The following DBF4 variants were observed in gnomAD, a reference collection of about 807,000 sequenced individuals.
DBF4 encodes the protein protein DBF4 homolog A.
Under a neutral mutation model 76.6 loss-of-function variants are expected in DBF4, and 25 were observed. That is an observed-to-expected ratio of 0.33 (90% CI 0.24 to 0.46). The LOEUF (loss-of-function observed/expected upper bound fraction) is 0.46. Among genes scored for constraint, DBF4 ranks in the 20% least tolerant of loss-of-function variants. DBF4 has a pLI of 1.00. For synonymous variants in DBF4, 213 were observed against 258.0 expected, an observed-to-expected ratio of 0.83 and a Z score of 1.67; for missense variants, 638 against 760.8, an observed-to-expected ratio of 0.84 and a Z score of 1.90.
Position 87,876,612 on chromosome 7 carries a change from C to G in DBF4, c.-121C>G. On this transcript the variant is annotated 5_prime_UTR_variant, in exon 1 of 12. Transcript: ENST00000265728. ...ACGCGGTACCTCTACTGCGTAGAGG[C>G]CGTAGCTGGCGGAAGGAGAGAGGCG... 1 of 1,116,412 alleles carries G rather than the reference C, an allele frequency of 9.0e-7. No homozygotes were observed. The highest frequency in any genetic ancestry group is 1.5e-5 in the African/African-American group (1 of 65,332). The allele number at this position is 1,116,412 out of a possible 1,614,324, so 69.2% of individuals were successfully genotyped here. A position where few individuals can be genotyped will look rare whatever the true frequency, so the allele number is the denominator to read the frequency against.
intron 2 of DBF4, among the ~76,000 whole-genome samples, chr7:87,881,447 C>G (rs1839212123): frequency 6.6e-6 from 1 of 152,084 alleles, no homozygotes. Context: ...TATGTCCATC[C>G]CATCCTCATG....
rs1839038834 is a variant in DBF4 at position 87,876,523 on chromosome 7, G to C, written c.-210G>C. 5.0e-6 allele frequency: 3 copies of C among 594,300 alleles called. No homozygotes were observed. The highest frequency in any genetic ancestry group is 2.9e-5 in the Admixed American group (1 of 34,108). 36.8% of individuals were successfully genotyped at this position (594,300 alleles called of 1,614,324 possible). A position where few individuals can be genotyped will look rare whatever the true frequency, so the allele number is the denominator to read the frequency against. On this transcript the variant is annotated 5_prime_UTR_variant, in exon 1 of 12. Coordinates refer to ENST00000265728, the MANE Select transcript of DBF4 (RefSeq NM_006716.4). ...TTCAACCGCCGCAGCCCACTCGTTT[G>C]TGCTTTGCGCCTTCCTCCTCCGCGC... is the stretch of plus-strand genomic sequence containing the variant.
intron 8 of DBF4, among the ~76,000 whole-genome samples, 162 bp downstream of exon 8, chr7:87,897,501 C>G (rs528257185): frequency 1.3e-5 from 2 of 152,266 alleles, no homozygotes; most frequent in East Asian, 3.9e-4. Flanking sequence ...AGCATTAATT[C>G]ATTTGTGCTC....
In DBF4 at chr7:87,887,344, A is replaced by G; in HGVS notation, c.466A>G (p.Asn156Asp). The G allele has an allele frequency of 3.9e-6, 6 of 1,549,926 alleles. No individual in the cohort carries two copies. Among genetic ancestry groups the G allele is most frequent in the South Asian group, 3.5e-5 (3 of 86,876 alleles). ...AIKDHDFIPS[N>D]SILSNALSWG... The stretch of plus-strand genomic sequence containing the variant: ...TTTTTTACAGGATTTTATTCCTTCA[A>G]ATAGTATATTATCAAATGCCTTGTC... The change falls in exon 5 of 12, where the codon AAT becomes GAT. Residue 156 changes from asparagine (N) to aspartate (D), a missense_variant. Physicochemically the swap from Asn to Asp is conservative, Grantham distance 23 (BLOSUM62 1). Coordinates refer to ENST00000265728, the MANE Select transcript of DBF4 (RefSeq NM_006716.4).
chr7:87,888,198 T>A, intron 6 of DBF4, 139 bp downstream of exon 6: 5 of 1,265,988 alleles, frequency 3.9e-6, no homozygotes, highest in Non-Finnish European at 5.1e-6. Context: ...TTCAAATAAA[T>A]CGAGTGTCAT....
intron 8 of DBF4, among the ~76,000 whole-genome samples, chr7:87,897,661 T>G (rs1023403465): frequency 6.6e-6 from 1 of 152,162 alleles, no homozygotes; most frequent in African/African-American, 2.4e-5. Flanking sequence ...ACGCCTTCAT[T>G]TGCGAAAAAG....
intron 1 of DBF4, 30 bp downstream of exon 1, chr7:87,876,808 C>T: frequency 1.2e-6 from 2 of 1,612,012 alleles, no homozygotes; most frequent in Non-Finnish European, 1.7e-6. Context: ...CCTGCAGTCC[C>T]TTTAATCCTT....
Position 87,876,533 on chromosome 7 carries a change from C to G in DBF4, c.-200C>G. 1 of 608,660 alleles carries G rather than the reference C, an allele frequency of 1.6e-6. No homozygotes were observed. The allele number at this position is 608,660 out of a possible 1,614,324, so 37.7% of individuals were successfully genotyped here. ...GCAGCCCACTCGTTTGTGCTTTGCG[C>G]CTTCCTCCTCCGCGCCTTGGAGCCG... On this transcript the variant is annotated 5_prime_UTR_variant, in exon 1 of 12. Transcript: ENST00000265728.
At chr7:87,899,040 A>T (rs2131068914) in intron 8 of DBF4, among the ~76,000 whole-genome samples, 1 of 152,304 alleles carries the variant, frequency 6.6e-6, no homozygotes, top group African/African-American at 2.4e-5. Context: ...CTAGATATAC[A>T]CATGCAAAAG....
In DBF4 at chr7:87,878,225, G is replaced by T; in HGVS notation, c.219G>T (p.Gly73=). 1 of 1,606,174 alleles carries T rather than the reference G, an allele frequency of 6.2e-7. No homozygotes were observed. Among genetic ancestry groups the T allele is most frequent in the Non-Finnish European group, 8.5e-7 (1 of 1,176,926 alleles). ...KLQKDIKDLG[G]RVEEFLSKDI... ...AAAAGGACATTAAGGATCTGGGAGG[G>T]GTAAGTGAAAACCGTACACTGGCAT... is the stretch of plus-strand genomic sequence containing the variant. The change falls in exon 2 of 12, where the codon GGG becomes GGT. Residue 73 remains glycine, a splice_region_variant and synonymous_variant. Coordinates refer to ENST00000265728, the MANE Select transcript of DBF4 (RefSeq NM_006716.4).
At chr7:87,898,927 GCCT>G (rs1354425952) in intron 8 of DBF4, among the ~76,000 whole-genome samples, 15 of 151,926 alleles carry the variant, frequency 9.9e-5, no homozygotes, top group African/African-American at 3.4e-4. Flanking sequence ...AGAATAGAGA[GCCT>G]AGAAATAAAC....
rs1839978759 is a variant in DBF4 at position 87,908,987 on chromosome 7, AATTGCTTGAACCTGGGAAG to A, written c.*825_*843del. ...CCAGCTACTCCCTCCAGAGGCTGAG[AATTGCTTGAACCTGGGAAG>A]TGCAGGTTGCAGTGAGCCAAGATTG... On this transcript the variant is annotated 3_prime_UTR_variant, in exon 12 of 12. Coordinates refer to ENST00000265728, the MANE Select transcript of DBF4 (RefSeq NM_006716.4). The A allele has an allele frequency of 6.6e-6, 1 of 152,172 alleles. No homozygotes were observed. Among genetic ancestry groups the A allele is most frequent in the Non-Finnish European group, 1.5e-5 (1 of 68,058 alleles). The allele number at this position is 152,172 out of a possible 1,614,324, so 9.4% of individuals were successfully genotyped here.
chr7:87,900,495 TG>T (rs1444368695), intron 9 of DBF4, 146 bp downstream of exon 9: 57 of 1,007,406 alleles, frequency 5.7e-5, no homozygotes, highest in Non-Finnish European at 7.8e-5. Flanking sequence ...AGTCTGAATC[TG>T]TTTAGATGGA....
Position 87,900,758 on chromosome 7 carries a change from C to G in DBF4, c.810-6C>G. ...TTAATTCTTTACCATGTATGTCTGT[C>G]ATCAGAATCCAAACAGATGGCGATA... On this transcript the variant is annotated splice_region_variant and splice_polypyrimidine_tract_variant and intron_variant, in intron 9 of 11. Coordinates refer to ENST00000265728, the MANE Select transcript of DBF4 (RefSeq NM_006716.4). 1.2e-6 allele frequency: 2 copies of G among 1,606,812 alleles called. No individual in the cohort carries two copies. The highest frequency in any genetic ancestry group is 1.7e-6 in the Non-Finnish European group (2 of 1,175,722).
At chr7:87,880,601 A>G (rs564221440) in intron 2 of DBF4, among the ~76,000 whole-genome samples, 15 of 152,330 alleles carry the variant, frequency 9.8e-5, no homozygotes, top group Non-Finnish European at 1.9e-4. Flanking sequence ...ACGATCTTCT[A>G]CATGAGTTAA....
intron 9 of DBF4, 85 bp from the exon 10 acceptor site, chr7:87,900,679 G>C (rs1007991384): frequency 1.0e-5 from 11 of 1,093,956 alleles, no homozygotes; most frequent in African/African-American, 1.6e-5. Context: ...TATGCAGATT[G>C]TGTGTGATAG....
chr7:87,887,847 A>T (rs531787575), intron 5 of DBF4, 136 bp from the exon 6 acceptor site: 1 of 847,432 alleles, frequency 1.2e-6, no homozygotes, highest in East Asian at 3.3e-5. Flanking sequence ...GTTTTAGAGG[A>T]GACAAACATT....
chr7:87,882,002 T>C (rs952770841), intron 2 of DBF4, among the ~76,000 whole-genome samples: 8 of 152,104 alleles, frequency 5.3e-5, no homozygotes, highest in African/African-American at 1.9e-4. Context: ...AGGATATAGG[T>C]GGGGGAAGTG....
rs1839951596 is a variant in DBF4 at position 87,907,929 on chromosome 7, TAAAAG to T, written c.1794_1798del (p.Lys598AsnfsTer2). 1 of 1,612,624 alleles carries T rather than the reference TAAAAG, an allele frequency of 6.2e-7. No homozygotes were observed. The highest frequency in any genetic ancestry group is 8.5e-7 in the Non-Finnish European group (1 of 1,179,630). ...ATCTGGAACCAAATGCTGAATTTGA[TAAAAG>T]AACTGAATTTATTACACAAGAAGAA... On this transcript the variant is annotated frameshift_variant, in exon 12 of 12. Transcript: ENST00000265728. LOFTEE classifies it high-confidence loss of function.
Sources: allele counts gnomAD v4.1 joint callset (sites outside exome capture counted in the v4.1 genomes callset), GRCh38; gene constraint gnomAD v4.1.1; transcripts MANE v1.5; gene names NCBI Gene and HGNC (gene_info 2026-07-23, HGNC 2026-07-21).